KCNH1: variants seen among roughly 807,000 people sequenced by gnomAD.
KCNH1 encodes potassium voltage-gated channel subfamily H member 1, also known as voltage-gated delayed rectifier potassium channel KCNH1.
Under a neutral mutation model 69.2 loss-of-function variants are expected in KCNH1, and 27 were observed. The ratio of observed to expected loss-of-function variants is 0.39; its 90% CI spans 0.29 to 0.54. The LOEUF is 0.54. Among genes scored for constraint, KCNH1 ranks in the 20% least tolerant of loss-of-function variants. The pLI, the probability that KCNH1 is intolerant of heterozygous loss-of-function variation, is 0.68. For missense variants in KCNH1, 798 were observed against 1,261.6 expected (o/e 0.63, Z 5.57); for synonymous variants, 456 against 487.7 (o/e 0.93, Z 0.86).
intron 10 of KCNH1, among the ~76,000 whole-genome samples, chr1:210,762,843 G>GTT (rs1683549365): frequency 6.6e-6 from 1 of 151,832 alleles, no homozygotes; most frequent in Non-Finnish European, 1.5e-5. Flanking sequence ...TAAAAATCAA[G>GTT]GAGGAGGGAC....
At chr1:210,767,407 C>T (rs1373683337) in intron 10 of KCNH1, among the ~76,000 whole-genome samples, 2 of 152,260 alleles carry the variant, frequency 1.3e-5, no homozygotes, top group East Asian at 3.9e-4. Flanking sequence ...TAGTGATTCC[C>T]TGTGCTAGAG....
At chr1:210,830,023 T>G (rs1685124971) in intron 7 of KCNH1, among the ~76,000 whole-genome samples, 1 of 152,208 alleles carries the variant, frequency 6.6e-6, no homozygotes, top group Non-Finnish European at 1.5e-5. Flanking sequence ...TTATATTCAC[T>G]AATGTAAATC....
At chr1:210,705,760 G>C (rs1681895409) in intron 10 of KCNH1, among the ~76,000 whole-genome samples, 1 of 151,818 alleles carries the variant, frequency 6.6e-6, no homozygotes, top group Non-Finnish European at 1.5e-5. Context: ...TCTAAGTCAG[G>C]GTCTCCTCTT....
At chr1:210,809,188 G>C (rs1684647915) in intron 7 of KCNH1, among the ~76,000 whole-genome samples, 1 of 150,198 alleles carries the variant, frequency 6.7e-6, no homozygotes, top group Non-Finnish European at 1.5e-5. Flanking sequence ...GGGAGGGAGG[G>C]AGGGTGTAGC....
At chr1:210,948,837 GAA>G (rs770643532) in intron 6 of KCNH1, among the ~76,000 whole-genome samples, 1 of 125,798 alleles carries the variant, frequency 7.9e-6, no homozygotes, top group Admixed American at 7.9e-5. Context: ...CAAAAAAAAG[GAA>G]AAAAAAAAAA....
At chr1:210,999,941 A>G (rs1175363746) in intron 6 of KCNH1, among the ~76,000 whole-genome samples, 1 of 152,236 alleles carries the variant, frequency 6.6e-6, no homozygotes, top group Admixed American at 6.5e-5. Context: ...AGATGCAGAA[A>G]AGACCTTTGA....
chr1:210,743,886 C>T (rs1180343472), intron 10 of KCNH1, among the ~76,000 whole-genome samples: 2 of 152,324 alleles, frequency 1.3e-5, no homozygotes, highest in East Asian at 3.9e-4. Flanking sequence ...TGGGAGCTTC[C>T]CCTTCTCCCT....
chr1:210,686,310 T>C (rs112000766), intron 10 of KCNH1, among the ~76,000 whole-genome samples: 4 of 152,314 alleles, frequency 2.6e-5, no homozygotes, highest in East Asian at 1.9e-4. Context: ...CTGCTCTCCA[T>C]TGAGCATCCA....
chr1:210,816,761 A>C (rs183846432), intron 7 of KCNH1, among the ~76,000 whole-genome samples: 44 of 152,358 alleles, frequency 2.9e-4, no homozygotes, highest in African/African-American at 8.7e-4. Context: ...TTAAACAAGC[A>C]TGTTAATCTT....
intron 7 of KCNH1, among the ~76,000 whole-genome samples, chr1:210,895,588 C>T (rs1379913320): frequency 2.0e-5 from 3 of 152,078 alleles, no homozygotes; most frequent in East Asian, 1.9e-4. Flanking sequence ...AGATGAAGTA[C>T]CATGTCTCCC....
intron 7 of KCNH1, chr1:210,858,175 A>C (rs1412826433): frequency 3.2e-4 from 49 of 152,150 alleles, no homozygotes; most frequent in Non-Finnish European, 5.9e-5. Context: ...GTTTAGCCAT[A>C]CTCTTAGATC....
At chr1:211,018,551 C>T (rs1000315904) in intron 6 of KCNH1, among the ~76,000 whole-genome samples, 9 of 152,212 alleles carry the variant, frequency 5.9e-5, no homozygotes, top group East Asian at 1.9e-4. Flanking sequence ...TTACATTCCA[C>T]GTGGAGTAGG....
At chr1:210,948,439 T>G (rs1309453804) in intron 6 of KCNH1, among the ~76,000 whole-genome samples, 1 of 152,030 alleles carries the variant, frequency 6.6e-6, no homozygotes, top group Non-Finnish European at 1.5e-5. Flanking sequence ...CAACAAACAT[T>G]TTCTGTAGAG....
intron 10 of KCNH1, among the ~76,000 whole-genome samples, chr1:210,713,850 AAAGTT>A (rs1260530655): frequency 2.0e-5 from 3 of 152,178 alleles, no homozygotes; most frequent in Non-Finnish European, 4.4e-5. Flanking sequence ...CAACTACACA[AAAGTT>A]AATTTCATTG....
intron 1 of KCNH1, among the ~76,000 whole-genome samples, chr1:211,109,675 T>C (rs1691422222): frequency 6.6e-6 from 1 of 152,046 alleles, no homozygotes; most frequent in South Asian, 2.1e-4. Flanking sequence ...GTTTATTTTC[T>C]CTTGTATACC....
chr1:211,018,021 C>T (rs1324346489), intron 6 of KCNH1, among the ~76,000 whole-genome samples: 1 of 152,070 alleles, frequency 6.6e-6, no homozygotes, highest in South Asian at 2.1e-4. Flanking sequence ...CAAGTTGTTA[C>T]AAAAAGCCTG....
chr1:210,810,666 T>A (rs1434594152), intron 7 of KCNH1, among the ~76,000 whole-genome samples: 1 of 152,218 alleles, frequency 6.6e-6, no homozygotes, highest in East Asian at 1.9e-4. Context: ...TTTCATTGTC[T>A]GAATGTTCCT....
intron 7 of KCNH1, among the ~76,000 whole-genome samples, chr1:210,819,732 T>C (rs1028292815): frequency 2.0e-5 from 3 of 152,238 alleles, no homozygotes; most frequent in Admixed American, 1.3e-4. Context: ...AGTGTTGTTG[T>C]TGATGAAATT....
At chr1:211,125,687 A>G (rs776970701) in intron 1 of KCNH1, among the ~76,000 whole-genome samples, 1 of 152,222 alleles carries the variant, frequency 6.6e-6, no homozygotes, top group African/African-American at 2.4e-5. Flanking sequence ...CGTTGCTTTA[A>G]GGGAAGAAAA....
Sources: allele counts gnomAD v4.1 joint callset (sites outside exome capture counted in the v4.1 genomes callset), GRCh38; gene constraint gnomAD v4.1.1; transcripts MANE v1.5; gene names NCBI Gene and HGNC (gene_info 2026-07-23, HGNC 2026-07-21).